The following PCDHA7 variants were observed in gnomAD, a reference collection of about 807,000 sequenced individuals.
PCDHA7 encodes the protein protocadherin alpha 7, also known as protocadherin alpha-7.
A neutral mutation model predicts 57.2 loss-of-function variants in PCDHA7; 37 were observed. That is an observed-to-expected ratio of 0.65 (90% CI 0.50 to 0.85). The LOEUF (loss-of-function observed/expected upper bound fraction) is 0.85, where lower values mean the gene tolerates loss of function less well. Among genes scored for constraint, PCDHA7 ranks in the 40% least tolerant of loss-of-function variants. The probability of loss-of-function intolerance (pLI) is 0.00; values close to 1 mark genes in which losing one functional copy is unlikely to be tolerated. For synonymous variants in PCDHA7, 553 were observed against 558.8 expected (o/e 0.99, Z 0.15); for missense variants, 1,188 against 1,241.8 (o/e 0.96, Z 0.65).
At chr5:140,901,761 A>G (rs1276192436) in intron 1 of PCDHA7, among the ~76,000 whole-genome samples, 1 of 152,124 alleles carries the variant, frequency 6.6e-6, no homozygotes, top group African/African-American at 2.4e-5. Flanking sequence ...TTTGACAGGG[A>G]TTGCATTGAA....
In PCDHA7 at chr5:140,848,334, A is replaced by G. The variant is rs2150408949; in HGVS notation, c.2355+11596A>G. ...TTGCCGCGATGTTCTCTCTGAATCC[A>G]GACAAATACAGCCCTTTTCCCATGG... On this transcript the variant is annotated intron_variant, in intron 1 of 3. Transcript: ENST00000525929. 43 of 850,658 alleles carry G rather than the reference A, an allele frequency of 5.1e-5. 3 individuals are homozygous for G. Among genetic ancestry groups the G allele is most frequent in the Non-Finnish European group, 7.6e-5 (41 of 539,362 alleles). 52.7% of individuals were successfully genotyped at this position (850,658 alleles called of 1,614,324 possible). A position where few individuals can be genotyped will look rare whatever the true frequency, so the allele number is the denominator to read the frequency against.
At position 140,847,437 on chromosome 5, in the gene PCDHA7, C is replaced by T. The variant is rs959002697; in HGVS notation, c.2355+10699C>T. The T allele has an allele frequency of 2.0e-5, 3 of 149,574 alleles. 1 individual carries two copies. The highest frequency in any genetic ancestry group is 4.5e-5 in the Non-Finnish European group (3 of 66,910). 9.3% of individuals were successfully genotyped at this position (149,574 alleles called of 1,614,324 possible). ...CGGTTTTGCCTTTAGACTTGAGATA[C>T]ACTAAAATCTAGATTTAATTAATCG... is the stretch of plus-strand genomic sequence containing the variant. On this transcript the variant is annotated intron_variant, in intron 1 of 3. Coordinates refer to ENST00000525929, the MANE Select transcript of PCDHA7 (RefSeq NM_018910.3).
intron 1 of PCDHA7, among the ~76,000 whole-genome samples, chr5:140,911,424 T>C (rs1180624921): frequency 6.6e-6 from 1 of 152,168 alleles, no homozygotes; most frequent in Non-Finnish European, 1.5e-5. Context: ...TAAGAACTTG[T>C]GTCCAATTTC....
At chr5:140,881,330 G>A (rs2153378633) in intron 1 of PCDHA7, 1 of 984,626 alleles carries the variant, frequency 1.0e-6, no homozygotes, top group Non-Finnish European at 1.2e-6. Context: ...ATTTAACCAG[G>A]ACGCCGATTC....
intron 2 of PCDHA7, among the ~76,000 whole-genome samples, 188 bp downstream of exon 2, chr5:140,979,195 T>C (rs1554240340): frequency 1.3e-5 from 2 of 152,232 alleles, no homozygotes; most frequent in African/African-American, 4.8e-5. Context: ...GCCAGATGCT[T>C]ATCAAGTGCT....
At chr5:140,902,687 T>C (rs552973135) in intron 1 of PCDHA7, among the ~76,000 whole-genome samples, 184 of 152,262 alleles carry the variant, frequency 1.2e-3, no homozygotes, top group African/African-American at 4.2e-3. Context: ...GTACCTAATA[T>C]GTGTAGTCTT....
intron 1 of PCDHA7, chr5:140,848,196 A>T: frequency 3.3e-6 from 1 of 307,634 alleles, no homozygotes. Context: ...CTTCTGTTTC[A>T]ACAATCATTA....
At position 141,010,262 on chromosome 5, in the gene PCDHA7, C is replaced by A; in HGVS notation, c.*325C>A. 4 of 1,551,728 alleles carry A rather than the reference C, an allele frequency of 2.6e-6. No homozygotes were observed. Among genetic ancestry groups the A allele is most frequent in the Non-Finnish European group, 3.5e-6 (4 of 1,146,994 alleles). On this transcript the variant is annotated 3_prime_UTR_variant, in exon 4 of 4. Transcript: ENST00000525929. ...GAGGTTGGACTCTCTGCCCTGTGCT[C>A]CGGGGATCCTGTCTTGATGACACTT...
intron 1 of PCDHA7, chr5:140,858,270 G>A (rs1554151358): frequency 6.3e-7 from 1 of 1,597,416 alleles, no homozygotes; most frequent in South Asian, 1.1e-5. Flanking sequence ...GTGTGCTCTA[G>A]CGCGGTGGGG....
rs762916391 is a variant in PCDHA7, at chr5:140,927,929, C to T, written c.2356-51020C>T. 13 of 1,614,090 alleles carry T rather than the reference C, an allele frequency of 8.1e-6. No homozygotes were observed. The highest frequency in any genetic ancestry group is 5.0e-5 in the Admixed American group (3 of 60,008). ...CCCGAACTGGACTTCCTGACTCTTT[C>T]GAACCCAGTACCTGAGGACGCTGCC... On this transcript the variant is annotated intron_variant, in intron 1 of 3. Transcript: ENST00000525929.
At chr5:140,838,604 C>T (rs1335900872) in intron 1 of PCDHA7, among the ~76,000 whole-genome samples, 1 of 151,900 alleles carries the variant, frequency 6.6e-6, no homozygotes, top group Non-Finnish European at 1.5e-5. Flanking sequence ...ATTGTCTAGA[C>T]TTTTAAAAAT....
intron 1 of PCDHA7, chr5:140,969,437 T>C (rs1429370144): frequency 1.8e-5 from 28 of 1,547,818 alleles, no homozygotes; most frequent in Non-Finnish European, 2.4e-5. Context: ...ACAAGAGTTA[T>C]CTGGTAAACT....
chr5:140,875,371 C>T (rs2055439966), intron 1 of PCDHA7: 2 of 1,451,152 alleles, frequency 1.4e-6, no homozygotes, highest in African/African-American at 1.4e-5. Flanking sequence ...AAAAAATTTA[C>T]TAAATATGTA....
At chr5:140,969,930 C>T (rs1200018667) in intron 1 of PCDHA7, among the ~76,000 whole-genome samples, 1 of 152,178 alleles carries the variant, frequency 6.6e-6, no homozygotes, top group Non-Finnish European at 1.5e-5. Flanking sequence ...AGTATTTAGA[C>T]ATCATACTGA....
At chr5:140,977,911 A>T (rs2096780139) in intron 1 of PCDHA7, among the ~76,000 whole-genome samples, 1 of 152,002 alleles carries the variant, frequency 6.6e-6, no homozygotes, top group Non-Finnish European at 1.5e-5. Flanking sequence ...TTTATCCCCC[A>T]TTTTTTTCAT....
chr5:140,877,509 G>T (rs781824762), intron 1 of PCDHA7: 21 of 1,613,700 alleles, frequency 1.3e-5, no homozygotes, highest in Non-Finnish European at 1.7e-5. Flanking sequence ...CAAAGACGTC[G>T]TCGCGGGCCT....
chr5:140,859,016 T>C (rs926930282), intron 1 of PCDHA7: 1 of 151,606 alleles, frequency 6.6e-6, no homozygotes, highest in African/African-American at 2.4e-5. Context: ...TCTTAGCAAT[T>C]AAGTTAAATG....
chr5:140,852,737 C>T (rs980998080), intron 1 of PCDHA7: 2 of 983,692 alleles, frequency 2.0e-6, no homozygotes, highest in Non-Finnish European at 1.2e-6. Flanking sequence ...GTTTCATGTG[C>T]CATTTAAACT....
At chr5:140,937,824 A>C (rs1229119616) in intron 1 of PCDHA7, among the ~76,000 whole-genome samples, 1 of 151,696 alleles carries the variant, frequency 6.6e-6, no homozygotes, top group African/African-American at 2.4e-5. Flanking sequence ...AGGCAGGAGA[A>C]TGGCATGAAC....
Sources: allele counts gnomAD v4.1 joint callset (sites outside exome capture counted in the v4.1 genomes callset), GRCh38; gene constraint gnomAD v4.1.1; transcripts MANE v1.5; gene names NCBI Gene and HGNC (gene_info 2026-07-23, HGNC 2026-07-21).